CNTRL: variants seen among roughly 807,000 people sequenced by gnomAD.
CNTRL encodes the protein centriolin, also known as 110 kDa centrosomal protein.
CNTRL carries 233 observed loss-of-function variants against 303.7 expected under a neutral mutation model. That is an observed-to-expected ratio of 0.77 (90% confidence interval 0.69 to 0.86). The LOEUF (loss-of-function observed/expected upper bound fraction) is 0.86. Among genes scored for constraint, CNTRL ranks in the 40% least tolerant of loss-of-function variants. The probability of loss-of-function intolerance (pLI) is 0.00; values close to 1 mark genes in which losing one functional copy is unlikely to be tolerated. For missense variants in CNTRL, 2,524 were observed against 2,650.6 expected (o/e 0.95, Z 1.05); for synonymous variants, 900 against 922.2 (o/e 0.98, Z 0.44).
intron 7 of CNTRL, among the ~76,000 whole-genome samples, chr9:121,103,736 A>G (rs2049306037): frequency 6.6e-6 from 1 of 152,258 alleles, no homozygotes; most frequent in Non-Finnish European, 1.5e-5. Context: ...GGCGAAGGAT[A>G]TGAACAGACA....
intron 16 of CNTRL, among the ~76,000 whole-genome samples, 175 bp downstream of exon 16, chr9:121,138,854 T>G (rs2051344141): frequency 6.6e-6 from 1 of 152,172 alleles, no homozygotes; most frequent in South Asian, 2.1e-4. Flanking sequence ...TGACCATTGT[T>G]TTAAGATTAT....
At chr9:121,111,843 T>C (rs1263611607) in intron 8 of CNTRL, among the ~76,000 whole-genome samples, 5 of 152,178 alleles carry the variant, frequency 3.3e-5, no homozygotes, top group African/African-American at 7.2e-5. Context: ...TAAAAAGTTA[T>C]AGTAGAATTA....
At chr9:121,163,310 A>C (rs1032336845) in intron 34 of CNTRL, among the ~76,000 whole-genome samples, 1 of 88,870 alleles carries the variant, frequency 1.1e-5, no homozygotes, top group African/African-American at 3.6e-5. Context: ...ACAGAGTGAG[A>C]CCCTGTTTCA....
At chr9:121,082,050 A>G (rs1415156593) in intron 2 of CNTRL, among the ~76,000 whole-genome samples, 1 of 152,240 alleles carries the variant, frequency 6.6e-6, no homozygotes, top group Non-Finnish European at 1.5e-5. Flanking sequence ...ATGTGATAGG[A>G]AACAGGAGGA....
At chr9:121,141,732 A>G in intron 18 of CNTRL, 144 bp downstream of exon 18, 1 of 773,500 alleles carries the variant, frequency 1.3e-6, no homozygotes, top group Non-Finnish European at 2.1e-6. Flanking sequence ...GGGTGTGACT[A>G]AAACTCAACC....
At chr9:121,088,684 G>A in intron 3 of CNTRL, 141 bp downstream of exon 3, 1 of 607,090 alleles carries the variant, frequency 1.6e-6, no homozygotes. Context: ...ATTAAGGACT[G>A]TAAGGACAGT....
chr9:121,130,477 C>T (rs4598323), intron 14 of CNTRL, among the ~76,000 whole-genome samples: 90,678 of 151,880 alleles, frequency 0.6, 29,250 homozygotes, highest in South Asian at 0.89. Context: ...GGTGGTGATA[C>T]CCTCTTTATC....
chr9:121,152,771 C>A (rs2052352110), intron 26 of CNTRL, 78 bp downstream of exon 26: 2 of 1,127,814 alleles, frequency 1.8e-6, no homozygotes, highest in African/African-American at 1.6e-5. Flanking sequence ...TTTCTATAAT[C>A]TTGGAATGTT....
At chr9:121,167,801 G>A (rs2053154022) in intron 37 of CNTRL, 124 bp downstream of exon 37, 1 of 815,696 alleles carries the variant, frequency 1.2e-6, no homozygotes, top group Non-Finnish European at 1.9e-6. Flanking sequence ...TAACTGCCCT[G>A]TGTAGCCATG....
intron 2 of CNTRL, among the ~76,000 whole-genome samples, chr9:121,087,934 G>A (rs1168522011): frequency 6.6e-6 from 1 of 152,200 alleles, no homozygotes; most frequent in Non-Finnish European, 1.5e-5. Context: ...TGAGGAAGGA[G>A]AGAGTGCTCA....
intron 22 of CNTRL, 88 bp from the exon 23 acceptor site, chr9:121,146,020 T>A: frequency 8.1e-7 from 1 of 1,227,636 alleles, no homozygotes; most frequent in Non-Finnish European, 1.1e-6. Flanking sequence ...CTGATAAAAT[T>A]AATTGGCTCT....
intron 7 of CNTRL, among the ~76,000 whole-genome samples, chr9:121,099,663 A>G (rs974323906): frequency 4.6e-5 from 7 of 152,236 alleles, no homozygotes; most frequent in African/African-American, 9.7e-5. Context: ...AGCCTTGAAA[A>G]AAGATGGCAC....
chr9:121,090,153 C>G (rs1230374974), intron 3 of CNTRL, 122 bp from the exon 4 acceptor site: 2 of 568,292 alleles, frequency 3.5e-6, no homozygotes, highest in Non-Finnish European at 5.3e-6. Flanking sequence ...TTAGAAATAG[C>G]CAGCTTTTTT....
intron 12 of CNTRL, chr9:121,122,079 TTC>T (rs2050262145): frequency 3.5e-6 from 1 of 285,082 alleles, no homozygotes; most frequent in Non-Finnish European, 5.3e-6. Flanking sequence ...TCTACTTTTG[TTC>T]CCATGTATTT....
At chr9:121,106,044 A>G (rs940827494) in intron 7 of CNTRL, among the ~76,000 whole-genome samples, 1 of 152,204 alleles carries the variant, frequency 6.6e-6, no homozygotes, top group African/African-American at 2.4e-5. Flanking sequence ...AGAATATTCA[A>G]AAGTGGAGTG....
chr9:121,096,626 T>G, intron 6 of CNTRL, 63 bp downstream of exon 6: 1 of 1,267,046 alleles, frequency 7.9e-7, no homozygotes. Flanking sequence ...TAAAAATATC[T>G]AAGTTTTTTA....
chr9:121,169,997 C>T (rs542926376), intron 39 of CNTRL, among the ~76,000 whole-genome samples, 181 bp downstream of exon 39: 2 of 152,230 alleles, frequency 1.3e-5, no homozygotes, highest in Non-Finnish European at 2.9e-5. Flanking sequence ...TTACCTGGGA[C>T]GGGTGCAGCC....
intron 34 of CNTRL, among the ~76,000 whole-genome samples, chr9:121,163,864 A>AT (rs1378264063): frequency 2.4e-5 from 3 of 124,508 alleles, no homozygotes; most frequent in Non-Finnish European, 5.0e-5. Flanking sequence ...TTAACCAGGA[A>AT]CTTTTTTTTT....
chr9:121,113,672 C>A lies in CNTRL; in HGVS notation c.1293C>A (p.Gly431=), dbSNP rs2049850535. 2.5e-6 allele frequency: 4 copies of A among 1,595,020 alleles called. No homozygotes were observed. Among genetic ancestry groups the A allele is most frequent in the Non-Finnish European group, 3.4e-6 (4 of 1,173,386 alleles). The change falls in exon 10 of 44, where the codon GGC becomes GGA. Residue 431 remains glycine, a synonymous_variant. Transcript: ENST00000373855. The part of the protein sequence containing the change: ...QLRNDHMNLR[G]HTPLDTQLED... ...GAAATGATCACATGAACTTGAGAGGCCACACACCACTGGACACGCAACTGG... is the reference window on the plus strand; with the variant it reads ...GAAATGATCACATGAACTTGAGAGGACACACACCACTGGACACGCAACTGG...
Sources: allele counts gnomAD v4.1 joint callset (sites outside exome capture counted in the v4.1 genomes callset), GRCh38; gene constraint gnomAD v4.1.1; transcripts MANE v1.5; gene names NCBI Gene and HGNC (gene_info 2026-07-23, HGNC 2026-07-21).